Variants in ZNF469 observed in about 807,000 individuals in gnomAD.
The protein encoded by ZNF469 is zinc finger protein 469.
ZNF469 carries 1 observed loss-of-function variant against 1.0 expected under a neutral mutation model. The observed-to-expected ratio is 1.00, with a 90% CI of 0.35 to 4.73. The LOEUF is 4.73. Ranked by LOEUF, ZNF469 falls within the 30% of genes most tolerant of loss-of-function variation. The pLI is 0.16. For missense variants in ZNF469, 6,100 were observed against 5,356.3 expected (o/e 1.14, Z -4.33); for synonymous variants, 2,703 against 2,363.4 (o/e 1.14, Z -4.17).
the ZNF469 span, among the ~76,000 whole-genome samples, chr16:88,164,536 G>A: frequency 5.3e-5 from 8 of 152,176 alleles, no homozygotes; most frequent in African/African-American, 1.9e-4. Context: ...TGGATGGACA[G>A]ACAGGGTGGG....
chr16:88,435,938 A>G lies in ZNF469; in HGVS notation c.8468A>G (p.Asp2823Gly). The G allele has an allele frequency of 1.3e-6, 2 of 1,550,048 alleles. No individual in the cohort carries two copies. The highest frequency in any genetic ancestry group is 1.4e-5 in the African/African-American group (1 of 73,158). ...AGCAGCTGCCTCCAGGGCCTCCCGGACAACCCAGACACCCAGGGTGGAGTC... is the reference window on the plus strand; with the variant it reads ...AGCAGCTGCCTCCAGGGCCTCCCGGGCAACCCAGACACCCAGGGTGGAGTC... ...TTSSCLQGLP[D>G]NPDTQGGVQG... is the part of the protein sequence containing the mutation. Residue 2823 changes from aspartate to glycine, a missense_variant, in exon 3 of 3, where the codon GAC becomes GGC. Transcript: ENST00000565624.
chr16:88,275,149 G>A, the ZNF469 span, among the ~76,000 whole-genome samples: 1 of 152,198 alleles, frequency 6.6e-6, no homozygotes, highest in Non-Finnish European at 1.5e-5. Context: ...AGACAGTGGA[G>A]ACGGGAGCCT....
chr16:88,236,195 T>A, the ZNF469 span, among the ~76,000 whole-genome samples: 3 of 152,200 alleles, frequency 2.0e-5, no homozygotes, highest in Non-Finnish European at 4.4e-5. Flanking sequence ...CTCTCCAGCA[T>A]CAGAAAAAGC....
chr16:88,280,533 C>T, the ZNF469 span, among the ~76,000 whole-genome samples: 37,474 of 142,012 alleles, frequency 0.26, 5,091 homozygotes, highest in East Asian at 0.45. Flanking sequence ...TGTCAGCACA[C>T]GGGTTGGTGC....
At chr16:88,311,586 C>T in the ZNF469 span, among the ~76,000 whole-genome samples, 1 of 152,164 alleles carries the variant, frequency 6.6e-6, no homozygotes, top group African/African-American at 2.4e-5. Context: ...GTGGCCTGCC[C>T]TCCGTCAGTG....
rs561775866 is a variant in ZNF469, at chr16:88,439,708, C to T, written c.*376C>T. 8 of 299,292 alleles carry T rather than the reference C, an allele frequency of 2.7e-5. No homozygotes were observed. The highest frequency in any genetic ancestry group is 1.5e-4 in the African/African-American group (7 of 46,124). 18.5% of individuals were successfully genotyped at this position (299,292 alleles called of 1,614,324 possible). A position where few individuals can be genotyped will look rare whatever the true frequency, so the allele number is the denominator to read the frequency against. ...ATTTGCACAACCTCCCGTTCCCCCA[C>T]ATGGAGAAGGGAAGTAAGTTGAGGC... is the stretch of plus-strand genomic sequence containing the variant. On this transcript the variant is annotated 3_prime_UTR_variant, in exon 3 of 3. Coordinates refer to ENST00000565624, the MANE Select transcript of ZNF469 (RefSeq NM_001367624.2).
chr16:88,247,297 A>G, the ZNF469 span, among the ~76,000 whole-genome samples: 1 of 147,768 alleles, frequency 6.8e-6, no homozygotes, highest in African/African-American at 2.5e-5. Flanking sequence ...GAGCGAGTGA[A>G]TGAGTGAGTG....
the ZNF469 span, among the ~76,000 whole-genome samples, chr16:88,318,713 G>A: frequency 6.6e-6 from 1 of 152,260 alleles, no homozygotes; most frequent in African/African-American, 2.4e-5. Context: ...GCTCTGCCAA[G>A]GGAGGAGTCT....
the ZNF469 span, among the ~76,000 whole-genome samples, chr16:88,249,429 CTT>C: frequency 3.5e-4 from 22 of 63,614 alleles, no homozygotes; most frequent in African/African-American, 1.6e-3. Context: ...TTTTCTTTTT[CTT>C]TTTTTTTTTT....
the ZNF469 span, among the ~76,000 whole-genome samples, chr16:88,292,447 T>C: frequency 6.6e-6 from 1 of 152,060 alleles, no homozygotes; most frequent in Non-Finnish European, 1.5e-5. Context: ...TTGAGACTGA[T>C]AAACCCACCT....
At chr16:88,280,852 G>A in the ZNF469 span, among the ~76,000 whole-genome samples, 1 of 151,652 alleles carries the variant, frequency 6.6e-6, no homozygotes, top group African/African-American at 2.4e-5. Context: ...GCTGGTGTCG[G>A]TGCACAGGTT....
Position 88,439,497 on chromosome 16 carries a change from G to A in ZNF469, c.*165G>A, listed in dbSNP as rs781170964. The A allele has an allele frequency of 1.7e-5, 13 of 769,852 alleles. No homozygotes were observed. The highest frequency in any genetic ancestry group is 2.5e-5 in the Non-Finnish European group (12 of 478,322). 47.7% of individuals were successfully genotyped at this position (769,852 alleles called of 1,614,324 possible). On this transcript the variant is annotated 3_prime_UTR_variant, in exon 3 of 3. Coordinates refer to ENST00000565624, the MANE Select transcript of ZNF469 (RefSeq NM_001367624.2). ...CTGAGGTGGTGATGCTTTGAACAGG[G>A]CCCAGGTGGGCAGCATTCCCTTTCT...
At chr16:88,115,738 G>C in the ZNF469 span, among the ~76,000 whole-genome samples, 1 of 150,574 alleles carries the variant, frequency 6.6e-6, no homozygotes, top group African/African-American at 2.4e-5. Context: ...CTCCTTCTGG[G>C]GGCTCTGGGT....
chr16:88,192,817 ATGG>A, the ZNF469 span, among the ~76,000 whole-genome samples: 61 of 35,356 alleles, frequency 1.7e-3, no homozygotes, highest in African/African-American at 7.7e-4. Context: ...AATGATGGTG[ATGG>A]TGGTGGTGGT....
chr16:88,265,681 A>C, the ZNF469 span, among the ~76,000 whole-genome samples: 1 of 152,172 alleles, frequency 6.6e-6, no homozygotes, highest in South Asian at 2.1e-4. Context: ...GGCACAGGAA[A>C]CCCGCCCGTC....
rs775672255 is a variant in ZNF469 at position 88,439,016 on chromosome 16, G to A, written c.11546G>A (p.Arg3849Gln). ...CCTGACAAGCCCCCCCGGACCCCTC[G>A]GAAGCAGGCAACTCCCAGCCGCGTG... is the stretch of plus-strand genomic sequence containing the variant. ...SAPDKPPRTP[R>Q]KQATPSRVLP... Residue 3849 changes from arginine (R) to glutamine (Q), a missense_variant, in exon 3 of 3, where the codon CGG (arginine) becomes CAG (glutamine). By Grantham distance (43) the Arg-to-Gln change is conservative. Coordinates refer to ENST00000565624, the MANE Select transcript of ZNF469 (RefSeq NM_001367624.2). The A allele has an allele frequency of 6.2e-5, 96 of 1,549,936 alleles. No homozygotes were observed. In the East Asian group the frequency reaches 1.7e-3, roughly 27 times the overall value.
chr16:88,260,531 C>G, the ZNF469 span, among the ~76,000 whole-genome samples: 31 of 152,320 alleles, frequency 2.0e-4, no homozygotes, highest in East Asian at 6.0e-3. The surrounding 1 kb of genome is among the most constrained non-coding windows in gnomAD (Gnocchi z 4.1). Flanking sequence ...GGACGCCGCT[C>G]TCACAAATTT....
chr16:88,439,603 T>C lies in ZNF469; in HGVS notation c.*271T>C, dbSNP rs559540332. The C allele has an allele frequency of 2.0e-5, 10 of 502,044 alleles. No homozygotes were observed. Among genetic ancestry groups the C allele is most frequent in the Admixed American group, 3.3e-5 (1 of 30,580 alleles). 31.1% of individuals were successfully genotyped at this position (502,044 alleles called of 1,614,324 possible). Reference sequence around the variant, plus strand: ...AGCTGTTTTCTTGGTACCAAGTACTTGAAGAGACAGCAGCCCATCCCCTCA... The same window carrying C: ...AGCTGTTTTCTTGGTACCAAGTACTCGAAGAGACAGCAGCCCATCCCCTCA... On this transcript the variant is annotated 3_prime_UTR_variant, in exon 3 of 3. Transcript: ENST00000565624.
At chr16:88,297,625 G>A in the ZNF469 span, among the ~76,000 whole-genome samples, 12 of 152,084 alleles carry the variant, frequency 7.9e-5, no homozygotes, top group Non-Finnish European at 1.2e-4. Context: ...GCTCACTCCA[G>A]TCTCCAGGGC....
Sources: allele counts gnomAD v4.1 joint callset (sites outside exome capture counted in the v4.1 genomes callset), GRCh38; gene constraint gnomAD v4.1.1; non-coding constraint Gnocchi (gnomAD v3.1); transcripts MANE v1.5; gene names NCBI Gene and HGNC (gene_info 2026-07-23, HGNC 2026-07-21).